The following TVP23C variants were observed in gnomAD, a reference collection of about 807,000 sequenced individuals.
TVP23C encodes the protein Golgi apparatus membrane protein TVP23 homolog C.
In TVP23C, 19 loss-of-function variants were observed where a neutral mutation model predicts 28.7. The ratio of observed to expected loss-of-function variants is 0.66; its 90% CI spans 0.46 to 0.97. The LOEUF (loss-of-function observed/expected upper bound fraction) is 0.97, where lower values mean the gene tolerates loss of function less well. Among genes scored for constraint, TVP23C ranks in the 50% least tolerant of loss-of-function variants. The probability of loss-of-function intolerance (pLI) is 0.00; values close to 1 mark genes in which losing one functional copy is unlikely to be tolerated. For missense variants in TVP23C, 186 were observed against 241.3 expected, an observed-to-expected ratio of 0.77 and a Z score of 1.52; for synonymous variants, 68 against 81.7, an observed-to-expected ratio of 0.83 and a Z score of 0.90.
At chr17:15,553,293 G>A (rs959802199) in intron 3 of TVP23C, among the ~76,000 whole-genome samples, 16 of 151,158 alleles carry the variant, frequency 1.1e-4, no homozygotes, top group Non-Finnish European at 2.1e-4. Flanking sequence ...GGTATTTGTG[G>A]ACAAACTACA....
At chr17:15,502,930 C>T (rs1428485238) in exon 6 of TVP23C, 3 of 1,613,648 alleles carry the variant, frequency 1.9e-6, no homozygotes, top group Non-Finnish European at 2.5e-6. Flanking sequence ...TATTGGGACT[C>T]TCCCCACCTC....
chr17:15,560,601 G>GCTGGAGTGCAGTGGCACGATCTCGGCTCA (rs1984336641), intron 1 of TVP23C, among the ~76,000 whole-genome samples: 2 of 149,382 alleles, frequency 1.3e-5, no homozygotes, highest in East Asian at 2.0e-4. Context: ...AGTCGCCCAG[G>GCTGGAGTGCAGTGGCACGATCTCGGCTCA]CTGGAGTGCA....
intron 2 of TVP23C, among the ~76,000 whole-genome samples, chr17:15,554,344 T>C (rs1476035045): frequency 6.6e-6 from 1 of 151,420 alleles, no homozygotes; most frequent in African/African-American, 2.4e-5. Context: ...TTCACGCCAT[T>C]GTCCTGCCTC....
At chr17:15,503,401 A>AGGCAAAGAAAAG in intron 5 of TVP23C, 1 of 838,256 alleles carries the variant, frequency 1.2e-6, no homozygotes, top group South Asian at 2.2e-5. Flanking sequence ...CAAGACCATG[A>AGGCAAAGAAAAG]TATTTCAAGA....
chr17:15,502,815 TC>T, exon 6 of TVP23C: 1 of 933,480 alleles, frequency 1.1e-6, no homozygotes, highest in Non-Finnish European at 1.5e-6. Context: ...CTCTCCTCTC[TC>T]TCTCTCTCTC....
intron 2 of TVP23C, among the ~76,000 whole-genome samples, chr17:15,554,071 T>C (rs888909423): frequency 4.6e-5 from 7 of 152,108 alleles, no homozygotes; most frequent in African/African-American, 1.4e-4. Flanking sequence ...TCATTGAATA[T>C]AAACTTTCAC....
In TVP23C at chr17:15,553,675, TC is replaced by T. The variant is rs1983995974; in HGVS notation, c.240+9del. ...AAATATAATTTTAAAATAAAAACAATCAAAATTACCTTCACTGCCCAAAAGT... is the reference window on the plus strand; with the variant it reads ...AAATATAATTTTAAAATAAAAACAATAAAATTACCTTCACTGCCCAAAAGT... On this transcript the variant is annotated intron_variant, in intron 3 of 5. Coordinates refer to ENST00000518321, the MANE Select transcript of TVP23C (RefSeq NM_001135036.2). 6.3e-7 allele frequency: 1 copy of T among 1,584,320 alleles called. No individual in the cohort carries two copies. The highest frequency in any genetic ancestry group is 1.4e-5 in the African/African-American group (1 of 72,882).
Position 15,541,292 on chromosome 17 carries a change from T to C in TVP23C, c.463-731A>G, listed in dbSNP as rs143146106. Among the ~76,000 whole-genome samples the C allele has an allele frequency of 5.6e-4, 85 of 152,374 alleles. 2 individuals are homozygous for C. The East Asian group carries it at 0.012, about 21-fold the overall frequency. On this transcript the variant is annotated intron_variant, in intron 5 of 5. Transcript: ENST00000518321. ...GGATTCCCAAGGTTAAAGACTCTAATACAGTGATCAGCAAAGTTCTCCTGT... is the reference window on the plus strand; with the variant it reads ...GGATTCCCAAGGTTAAAGACTCTAACACAGTGATCAGCAAAGTTCTCCTGT...
Position 15,502,875 on chromosome 17 carries a change from C to A in TVP23C, c.820G>T (p.Gly274Ter), listed in dbSNP as rs1981534578. ...TTTGTGGGTTGTTTTTAATGCATTCCGGATGCCAGATGAAATTTTGGCCCG... is the reference window on the plus strand; with the variant it reads ...TTTGTGGGTTGTTTTTAATGCATTCAGGATGCCAGATGAAATTTTGGCCCG... The change falls in exon 6 of 6, where the codon GGA becomes TGA. Residue 274 changes from glycine (G) to a stop codon, truncating the protein, a stop_gained. Transcript: ENST00000225576. LOFTEE classifies it high-confidence loss of function. The A allele has an allele frequency of 5.0e-6, 8 of 1,586,128 alleles. No homozygotes were observed. Among genetic ancestry groups the A allele is most frequent in the Non-Finnish European group, 6.9e-6 (8 of 1,164,986 alleles).
intron 2 of TVP23C, among the ~76,000 whole-genome samples, chr17:15,554,299 G>A (rs7209359): frequency 0.017 from 2,484 of 147,660 alleles, 68 homozygotes; most frequent in African/African-American, 0.059. Context: ...GTTTGGTGGC[G>A]CAATCTCGGC....
At chr17:15,555,736 A>C (rs2150861102) in intron 1 of TVP23C, among the ~76,000 whole-genome samples, 1 of 152,036 alleles carries the variant, frequency 6.6e-6, no homozygotes, top group African/African-American at 2.4e-5. Flanking sequence ...CTCCTTCACA[A>C]AATCATCTGA....
At chr17:15,557,295 T>G (rs1488223210) in intron 1 of TVP23C, among the ~76,000 whole-genome samples, 2 of 145,978 alleles carry the variant, frequency 1.4e-5, no homozygotes, top group Non-Finnish European at 3.1e-5. Context: ...ACAAGGTTTT[T>G]TTTTTTTTTT....
intron 2 of TVP23C, among the ~76,000 whole-genome samples, chr17:15,554,865 C>T (rs1984059042): frequency 1.3e-5 from 2 of 152,156 alleles, no homozygotes; most frequent in Admixed American, 6.5e-5. Context: ...AAGTAAAAAA[C>T]AGCATTTTAG....
intron 3 of TVP23C, among the ~76,000 whole-genome samples, chr17:15,551,942 T>C (rs377320095): frequency 1.2e-4 from 18 of 152,234 alleles, no homozygotes; most frequent in East Asian, 1.2e-3. Context: ...TTTTGCTTCA[T>C]ATCTCCATTG....
chr17:15,561,235 T>C (rs1401226693), intron 1 of TVP23C, among the ~76,000 whole-genome samples: 1 of 152,166 alleles, frequency 6.6e-6, no homozygotes, highest in Non-Finnish European at 1.5e-5. Context: ...GTGAAGGGGC[T>C]ATGGAAATGT....
At chr17:15,544,109 T>A (rs1194291741) in intron 5 of TVP23C, among the ~76,000 whole-genome samples, 1 of 151,404 alleles carries the variant, frequency 6.6e-6, no homozygotes, top group East Asian at 1.9e-4. Flanking sequence ...TTACAAAGGT[T>A]AAGTAAGCCT....
At chr17:15,508,881 T>C (rs1332885578) in intron 5 of TVP23C, among the ~76,000 whole-genome samples, 2 of 152,208 alleles carry the variant, frequency 1.3e-5, no homozygotes, top group African/African-American at 4.8e-5. Context: ...GACAGCACCC[T>C]GGTAAACTAG....
chr17:15,531,328 T>C (rs533877422), intron 5 of TVP23C, among the ~76,000 whole-genome samples: 17 of 152,344 alleles, frequency 1.1e-4, no homozygotes, highest in African/African-American at 3.8e-4. Flanking sequence ...TTCTTGAATG[T>C]GTAGCTCATG....
chr17:15,555,268 A>C lies in TVP23C; in HGVS notation c.95+14T>G. ...ACTGGACACTAACACAGCTCATGCAACTTCTCCTCCTACCTGATTTTGGCT... is the reference window on the plus strand; with the variant it reads ...ACTGGACACTAACACAGCTCATGCACCTTCTCCTCCTACCTGATTTTGGCT... On this transcript the variant is annotated intron_variant, in intron 2 of 5. Transcript: ENST00000518321. 2 of 1,613,984 alleles carry C rather than the reference A, an allele frequency of 1.2e-6. No homozygotes were observed. Among genetic ancestry groups the C allele is most frequent in the Non-Finnish European group, 1.7e-6 (2 of 1,179,862 alleles).
Sources: allele counts gnomAD v4.1 joint callset (sites outside exome capture counted in the v4.1 genomes callset), GRCh38; gene constraint gnomAD v4.1.1; transcripts MANE v1.5; gene names NCBI Gene and HGNC (gene_info 2026-07-23, HGNC 2026-07-21).